FARS2: variants seen among roughly 807,000 people sequenced by gnomAD.
FARS2 encodes phenylalanyl-tRNA synthetase 2, mitochondrial, also known as phenylalanine--tRNA ligase, mitochondrial.
Under a neutral mutation model 46.4 loss-of-function variants are expected in FARS2, and 40 were observed. That is an observed-to-expected ratio of 0.86 (90% confidence interval 0.67 to 1.12). The LOEUF (loss-of-function observed/expected upper bound fraction) is 1.12, where lower values mean the gene tolerates loss of function less well. Ranked by LOEUF, FARS2 falls within the 50% of genes most tolerant of loss-of-function variation. The pLI, the probability that FARS2 is intolerant of heterozygous loss-of-function variation, is 0.00. For synonymous variants in FARS2, 234 were observed against 214.9 expected (o/e 1.09, Z -0.78); for missense variants, 513 against 567.9 (o/e 0.90, Z 0.98).
chr6:5,273,299 G>A (rs890908069), intron 1 of FARS2, among the ~76,000 whole-genome samples: 1 of 152,126 alleles, frequency 6.6e-6, no homozygotes, highest in Admixed American at 6.5e-5. Flanking sequence ...GTTTACAGGG[G>A]TTCCCCTTTC....
intron 6 of FARS2, among the ~76,000 whole-genome samples, chr6:5,670,615 G>T (rs1203826028): frequency 6.6e-6 from 1 of 152,172 alleles, no homozygotes; most frequent in Non-Finnish European, 1.5e-5. Context: ...GTTATTACTT[G>T]TACGTACTTT....
chr6:5,744,872 A>G (rs1045816626), intron 6 of FARS2, among the ~76,000 whole-genome samples: 8 of 152,222 alleles, frequency 5.3e-5, no homozygotes, highest in Admixed American at 5.2e-4. Context: ...TACATAATAT[A>G]ATGAACAATT....
intron 3 of FARS2, among the ~76,000 whole-genome samples, chr6:5,426,183 GA>G (rs59478390): frequency 1.3e-5 from 2 of 151,444 alleles, no homozygotes; most frequent in African/African-American, 4.9e-5. Context: ...AAGGAAATAG[GA>G]AAAAAAACCT....
intron 4 of FARS2, among the ~76,000 whole-genome samples, chr6:5,453,503 G>T (rs1367247909): frequency 6.6e-6 from 1 of 152,204 alleles, no homozygotes; most frequent in Non-Finnish European, 1.5e-5. Context: ...CTATGAGGCG[G>T]AATGTGTTCC....
intron 5 of FARS2, chr6:5,609,551 A>ATTCCCACTGAAACCACC: frequency 7.8e-7 from 1 of 1,290,300 alleles, no homozygotes; most frequent in Admixed American, 1.7e-5. Context: ...CAAAGTTGTC[A>ATTCCCACTGAAACCACC]TTCCCACTGA....
intron 6 of FARS2, among the ~76,000 whole-genome samples, chr6:5,722,205 C>T (rs1759956611): frequency 6.6e-6 from 1 of 152,158 alleles, no homozygotes; most frequent in South Asian, 2.1e-4. Flanking sequence ...TGCTTTTGCA[C>T]CAAAGATGTA....
chr6:5,262,213 T>C (rs1765203620), intron 1 of FARS2, among the ~76,000 whole-genome samples: 2 of 152,222 alleles, frequency 1.3e-5, no homozygotes, highest in Admixed American at 1.3e-4. Flanking sequence ...CTTTAGTGTA[T>C]TTGGTTTTGA....
At chr6:5,395,973 T>C (rs569116713) in intron 2 of FARS2, among the ~76,000 whole-genome samples, 1 of 152,360 alleles carries the variant, frequency 6.6e-6, no homozygotes, top group African/African-American at 2.4e-5. Flanking sequence ...TGAATTTTAA[T>C]GTTAATGTCA....
Position 5,400,342 on chromosome 6 carries a change from A to G in FARS2, c.613-4200A>G, listed in dbSNP as rs150587308. Among the ~76,000 whole-genome samples the G allele has an allele frequency of 1.8e-4, 27 of 151,524 alleles. No homozygotes were observed. The East Asian group carries it at 5.1e-3, about 28-fold the overall frequency. On this transcript the variant is annotated intron_variant, in intron 2 of 6. Transcript: ENST00000274680. Reference sequence around the variant, plus strand: ...TTAAAAGTTTCTTTACGTTAGTGGTATTACCTCTTTGTGGTGTATGTTTCC... The same window carrying G: ...TTAAAAGTTTCTTTACGTTAGTGGTGTTACCTCTTTGTGGTGTATGTTTCC...
At chr6:5,417,143 A>C (rs1392471677) in intron 3 of FARS2, among the ~76,000 whole-genome samples, 5 of 152,112 alleles carry the variant, frequency 3.3e-5, no homozygotes, top group Non-Finnish European at 5.9e-5. Context: ...GTATGTCCAT[A>C]AAGCTTTTAT....
chr6:5,438,253 C>CCG (rs1763648856), intron 4 of FARS2, among the ~76,000 whole-genome samples: 1 of 84,084 alleles, frequency 1.2e-5, no homozygotes, highest in South Asian at 5.4e-4. Flanking sequence ...CCCGCCCCCC[C>CCG]CCCCATTTTT....
intron 6 of FARS2, among the ~76,000 whole-genome samples, chr6:5,671,698 C>T (rs531310991): frequency 6.6e-6 from 1 of 152,326 alleles, no homozygotes; most frequent in African/African-American, 2.4e-5. Flanking sequence ...ATGGTTTAAC[C>T]TTTAAAGATG....
intron 6 of FARS2, among the ~76,000 whole-genome samples, chr6:5,691,645 C>T (rs1346463655): frequency 1.3e-5 from 2 of 152,238 alleles, no homozygotes; most frequent in African/African-American, 4.8e-5. Flanking sequence ...CAGGGACCCA[C>T]TTGAGGAGGC....
intron 6 of FARS2, among the ~76,000 whole-genome samples, chr6:5,700,975 C>T (rs753589315): frequency 2.6e-5 from 4 of 152,174 alleles, no homozygotes; most frequent in Non-Finnish European, 5.9e-5. Context: ...TTTTTATTCG[C>T]GCAAGGTGTT....
intron 1 of FARS2, among the ~76,000 whole-genome samples, chr6:5,338,349 C>G (rs1339936660): frequency 6.6e-6 from 1 of 152,156 alleles, no homozygotes; most frequent in African/African-American, 2.4e-5. Flanking sequence ...CTGAAAACAT[C>G]TATCTGTTTG....
chr6:5,391,137 A>C (rs998503960), intron 2 of FARS2, among the ~76,000 whole-genome samples: 6 of 152,196 alleles, frequency 3.9e-5, no homozygotes, highest in Admixed American at 2.0e-4. Context: ...AATCCTATTC[A>C]TCTGACCCTA....
At chr6:5,540,456 T>C (rs1306056870) in intron 4 of FARS2, among the ~76,000 whole-genome samples, 2 of 152,222 alleles carry the variant, frequency 1.3e-5, no homozygotes, top group African/African-American at 4.8e-5. Flanking sequence ...CAACCCTTAA[T>C]TGTGAACATC....
chr6:5,429,610 A>G (rs887263081), intron 3 of FARS2, among the ~76,000 whole-genome samples: 1 of 152,190 alleles, frequency 6.6e-6, no homozygotes, highest in Non-Finnish European at 1.5e-5. Context: ...GTTCAACACC[A>G]GCCTGGTCAA....
At chr6:5,702,865 T>C (rs1003560066) in intron 6 of FARS2, among the ~76,000 whole-genome samples, 3 of 152,004 alleles carry the variant, frequency 2.0e-5, no homozygotes, top group African/African-American at 7.3e-5. Flanking sequence ...CTGGACAGGG[T>C]CTTGGGGGGA....
Sources: gnomAD v4.1 joint callset for allele counts (sites outside exome capture counted in the v4.1 genomes callset) on GRCh38, gnomAD v4.1.1 for gene constraint, MANE v1.5 for transcripts, NCBI Gene and HGNC (gene_info 2026-07-23, HGNC 2026-07-21) for gene names.